Variants in TULP4 observed in about 807,000 individuals in gnomAD.
TULP4 encodes the protein tubby-related protein 4.
Under a neutral mutation model 129.0 loss-of-function variants are expected in TULP4, and 16 were observed. The ratio of observed to expected loss-of-function variants is 0.12; its 90% CI spans 0.08 to 0.19. The LOEUF is 0.19. Among genes scored for constraint, TULP4 ranks in the 10% least tolerant of loss-of-function variants. The pLI is 1.00. For missense variants in TULP4, 1,842 were observed against 2,059.1 expected, an observed-to-expected ratio of 0.89 and a Z score of 2.04; for synonymous variants, 998 against 854.0, an observed-to-expected ratio of 1.17 and a Z score of -2.94.
chr6:158,480,958 A>AG, intron 7 of TULP4, 97 bp from the exon 8 acceptor site: 1 of 1,064,918 alleles, frequency 9.4e-7, no homozygotes. Context: ...CTGGAACAGT[A>AG]GCGTTTTTAG....
chr6:158,351,380 A>T (rs557794595), intron 1 of TULP4, among the ~76,000 whole-genome samples: 1 of 152,300 alleles, frequency 6.6e-6, no homozygotes, highest in Admixed American at 6.5e-5. Context: ...AGGCTGTGCA[A>T]GACTTGGTGA....
At chr6:158,239,472 A>C (rs1583664571) in intron 1 of TULP4, among the ~76,000 whole-genome samples, 1 of 46,564 alleles carries the variant, frequency 2.1e-5, no homozygotes, top group African/African-American at 7.3e-5. Context: ...TGACCCCCCC[A>C]CCTCCCTCCC....
At chr6:158,443,994 C>T (rs570037059) in intron 3 of TULP4, among the ~76,000 whole-genome samples, 351 of 151,828 alleles carry the variant, frequency 2.3e-3, no homozygotes, top group Middle Eastern at 6.8e-3. Flanking sequence ...CCAGGGTGGG[C>T]GGATCACAAG....
upstream of TULP4, among the ~76,000 whole-genome samples, chr6:158,281,744 CATTAATG>C (rs1019264924): frequency 6.6e-6 from 1 of 152,164 alleles, no homozygotes; most frequent in African/African-American, 2.4e-5. Flanking sequence ...CTGAGTTACC[CATTAATG>C]TTAAGCTTTT....
chr6:158,303,783 A>G (rs1047619798), intron 1 of TULP4, among the ~76,000 whole-genome samples: 1 of 152,224 alleles, frequency 6.6e-6, no homozygotes, highest in African/African-American at 2.4e-5. Context: ...TAATACTAGT[A>G]ATACCAAACT....
At chr6:158,377,519 C>T (rs1777219146) in intron 1 of TULP4, among the ~76,000 whole-genome samples, 1 of 152,168 alleles carries the variant, frequency 6.6e-6, no homozygotes, top group African/African-American at 2.4e-5. Context: ...GTAATTTGCC[C>T]TAGAATTGCA....
At chr6:158,461,423 A>AAAT in intron 5 of TULP4, 140 bp from the exon 6 acceptor site, 3 of 801,470 alleles carry the variant, frequency 3.7e-6, no homozygotes, top group Non-Finnish European at 5.5e-6. Context: ...AAAAAAAAAA[A>AAAT]AAAGGAAAAA....
At chr6:158,258,431 T>C (rs971962242) in intron 1 of TULP4, among the ~76,000 whole-genome samples, 5 of 152,208 alleles carry the variant, frequency 3.3e-5, no homozygotes, top group African/African-American at 7.2e-5. Context: ...AGAGAGAGAC[T>C]ATTTTCTTTG....
intron 1 of TULP4, among the ~76,000 whole-genome samples, chr6:158,337,618 A>T (rs746165206): frequency 6.6e-6 from 1 of 152,158 alleles, no homozygotes; most frequent in African/African-American, 2.4e-5. Context: ...GAAATACATG[A>T]TTTACCTTTT....
intron 6 of TULP4, among the ~76,000 whole-genome samples, chr6:158,472,923 A>G (rs892221611): frequency 6.6e-6 from 1 of 152,188 alleles, no homozygotes; most frequent in African/African-American, 2.4e-5. Flanking sequence ...GACTCTCTAT[A>G]TATTCTTGCA....
chr6:158,395,580 TAA>T (rs764395132), intron 1 of TULP4, among the ~76,000 whole-genome samples: 20 of 110,180 alleles, frequency 1.8e-4, no homozygotes, highest in Admixed American at 2.2e-4. Context: ...AAACTCTGTC[TAA>T]AAAAAAAAAA....
At chr6:158,480,998 CCT>C (rs1286840235) in intron 7 of TULP4, 55 bp from the exon 8 acceptor site, 20 of 1,478,282 alleles carry the variant, frequency 1.4e-5, no homozygotes, top group East Asian at 2.3e-5. Context: ...ACTCTCTTTC[CCT>C]CTCTCTCTGC....
chr6:158,500,445 T>C (rs984777699), intron 12 of TULP4, among the ~76,000 whole-genome samples: 1 of 152,214 alleles, frequency 6.6e-6, no homozygotes, highest in Non-Finnish European at 1.5e-5. Context: ...TGTAGTTCTT[T>C]TGATGAGAAG....
intron 1 of TULP4, among the ~76,000 whole-genome samples, chr6:158,262,313 G>A (rs892546551): frequency 5.9e-5 from 9 of 152,182 alleles, no homozygotes; most frequent in African/African-American, 2.2e-4. Flanking sequence ...GGTTCTCAGA[G>A]CTCTTCTGGA....
At chr6:158,446,499 A>T (rs2115122367) in intron 3 of TULP4, among the ~76,000 whole-genome samples, 1 of 152,306 alleles carries the variant, frequency 6.6e-6, no homozygotes, top group Middle Eastern at 3.4e-3. Flanking sequence ...TTCTTCTCTA[A>T]AATGGAAAAA....
At chr6:158,409,757 A>C (rs1778050603) in intron 1 of TULP4, among the ~76,000 whole-genome samples, 1 of 152,234 alleles carries the variant, frequency 6.6e-6, no homozygotes, top group African/African-American at 2.4e-5. Flanking sequence ...CTCTAATTTA[A>C]GGGTGTTACT....
At chr6:158,488,201 G>C (rs1652291550) in intron 8 of TULP4, among the ~76,000 whole-genome samples, 1 of 152,190 alleles carries the variant, frequency 6.6e-6, no homozygotes, top group East Asian at 1.9e-4. Flanking sequence ...CAGGAGCTGA[G>C]TGGGCAGTGT....
At chr6:158,359,880 C>T (rs1488745576) in intron 1 of TULP4, among the ~76,000 whole-genome samples, 1 of 152,156 alleles carries the variant, frequency 6.6e-6, no homozygotes, top group Non-Finnish European at 1.5e-5. Flanking sequence ...ACAGACTTTT[C>T]TGTGGGCCTG....
intron 3 of TULP4, among the ~76,000 whole-genome samples, chr6:158,442,432 C>T (rs1179621283): frequency 6.6e-6 from 1 of 151,948 alleles, no homozygotes; most frequent in African/African-American, 2.4e-5. Context: ...GACCCCCAGG[C>T]CCGATTCTTT....
Sources: allele counts gnomAD v4.1 joint callset (sites outside exome capture counted in the v4.1 genomes callset), GRCh38; gene constraint gnomAD v4.1.1; transcripts MANE v1.5; gene names NCBI Gene and HGNC (gene_info 2026-07-23, HGNC 2026-07-21).